The following PKP2 variants were observed in gnomAD, a reference collection of about 807,000 sequenced individuals.
PKP2 encodes the protein plakophilin-2.
Under a neutral mutation model 83.4 loss-of-function variants are expected in PKP2, and 73 were observed. The observed-to-expected ratio is 0.88, with a 90% CI of 0.72 to 1.06. PKP2 has a LOEUF of 1.06. PKP2 is among the 50% of genes least tolerant of loss of function. The pLI is 0.00. For missense variants in PKP2, 966 were observed against 1,065.4 expected (o/e 0.91, Z 1.30); for synonymous variants, 409 against 430.4 (o/e 0.95, Z 0.62).
intron 5 of PKP2, among the ~76,000 whole-genome samples, chr12:32,845,183 T>A (rs1956633719): frequency 6.6e-6 from 1 of 152,148 alleles, no homozygotes; most frequent in Non-Finnish European, 1.5e-5. Flanking sequence ...AGCCAGAAAT[T>A]TACTGCCAAC....
chr12:32,858,121 A>G (rs1337626266), intron 4 of PKP2, among the ~76,000 whole-genome samples: 13 of 101,694 alleles, frequency 1.3e-4, no homozygotes, highest in Non-Finnish European at 2.0e-4. Context: ...ATATATTTAT[A>G]TATATTTTAT....
chr12:32,843,305 C>T (rs775315970), intron 5 of PKP2: 3 of 1,364,732 alleles, frequency 2.2e-6, no homozygotes, highest in South Asian at 1.1e-5. Flanking sequence ...CTTAAATTGA[C>T]TGTATGGTCT....
chr12:32,861,858 AATGCAAGTG>A (rs1956800770), intron 4 of PKP2, among the ~76,000 whole-genome samples: 1 of 152,188 alleles, frequency 6.6e-6, no homozygotes, highest in Admixed American at 6.5e-5. Context: ...TATCTAAAAC[AATGCAAGTG>A]ATGCAAGTGA....
chr12:32,818,349 T>C (rs1956339462), intron 9 of PKP2, among the ~76,000 whole-genome samples: 1 of 152,044 alleles, frequency 6.6e-6, no homozygotes, highest in Non-Finnish European at 1.5e-5. Flanking sequence ...TAATCCCAAC[T>C]ACTCAAGAGG....
At chr12:32,836,956 GACA>G (rs1275832362) in intron 6 of PKP2, among the ~76,000 whole-genome samples, 3 of 152,062 alleles carry the variant, frequency 2.0e-5, no homozygotes, top group South Asian at 2.1e-4. Flanking sequence ...TATTCATTGT[GACA>G]ACATTTACCC....
intron 6 of PKP2, among the ~76,000 whole-genome samples, chr12:32,836,905 C>T (rs1257536045): frequency 6.6e-6 from 1 of 152,286 alleles, no homozygotes; most frequent in East Asian, 1.9e-4. Flanking sequence ...TCTTTTCTTA[C>T]ATTCTGACTC....
At chr12:32,870,021 T>A (rs768389862) in intron 3 of PKP2, among the ~76,000 whole-genome samples, 15 of 152,196 alleles carry the variant, frequency 9.9e-5, no homozygotes, top group Non-Finnish European at 1.6e-4. Flanking sequence ...AGAGTGAGAC[T>A]CTGTTTCAAA....
At chr12:32,799,927 T>G (rs567609243) in intron 10 of PKP2, among the ~76,000 whole-genome samples, 43 of 152,328 alleles carry the variant, frequency 2.8e-4, no homozygotes, top group African/African-American at 9.9e-4. Context: ...AAAAATCTAT[T>G]GAAAATTCTT....
rs376001513 is a variant in PKP2, at chr12:32,877,971, T to C, written c.909A>G (p.Glu303=). 3 of 1,614,106 alleles carry C rather than the reference T, an allele frequency of 1.9e-6. No homozygotes were observed. Among genetic ancestry groups the C allele is most frequent in the East Asian group, 2.2e-5 (1 of 44,882 alleles). ...SSFHSTRTLR[E]AGPSVAVDSS... The stretch of plus-strand genomic sequence containing the variant: ...AATCCACGGCGACACTGGGCCCAGC[T>C]TCCCTCAGCGTGCGGGTGCTGTGGA... Residue 303 remains glutamate, a synonymous_variant, in exon 3 of 13, where the codon GAA becomes GAG. Coordinates refer to ENST00000340811, the MANE Select transcript of PKP2 (RefSeq NM_001005242.3).
At chr12:32,847,677 C>G (rs1448805981) in intron 5 of PKP2, among the ~76,000 whole-genome samples, 1 of 152,220 alleles carries the variant, frequency 6.6e-6, no homozygotes, top group Non-Finnish European at 1.5e-5. Flanking sequence ...GCTAGTGATG[C>G]TCACTTTGCC....
chr12:32,819,544 A>T (rs1382144350), intron 9 of PKP2, among the ~76,000 whole-genome samples: 1 of 151,904 alleles, frequency 6.6e-6, no homozygotes, highest in Non-Finnish European at 1.5e-5. Context: ...TAGTACTTTA[A>T]ATTTCTGTTT....
At chr12:32,832,064 C>T (rs1799792687) in intron 6 of PKP2, among the ~76,000 whole-genome samples, 1 of 152,110 alleles carries the variant, frequency 6.6e-6, no homozygotes, top group South Asian at 2.1e-4. Context: ...CATTTAAATA[C>T]CACTTCCACC....
chr12:32,841,291 A>G lies in PKP2; in HGVS notation c.1379-86T>C. On this transcript the variant is annotated intron_variant, in intron 5 of 12. Transcript: ENST00000340811. ...AAGTTCAGTCAAGGCCATCAACTCC[A>G]GGGCTATGACTAGTCATAAAAAAAT... is the stretch of plus-strand genomic sequence containing the variant. 2.7e-6 allele frequency: 3 copies of G among 1,128,676 alleles called. No individual in the cohort carries two copies. The East Asian group carries it at 7.0e-5, about 26-fold the overall frequency. 69.9% of individuals were successfully genotyped at this position (1,128,676 alleles called of 1,614,324 possible).
At chr12:32,856,147 T>C (rs941272237) in intron 4 of PKP2, among the ~76,000 whole-genome samples, 3 of 152,200 alleles carry the variant, frequency 2.0e-5, no homozygotes, top group Non-Finnish European at 4.4e-5. Flanking sequence ...ATAGTAAGTT[T>C]TTGCAAGATA....
intron 10 of PKP2, 127 bp from the exon 11 acceptor site, chr12:32,796,425 C>T (rs1956125565): frequency 2.3e-6 from 2 of 859,984 alleles, no homozygotes; most frequent in Non-Finnish European, 3.7e-6. Context: ...CTCTGTTGCC[C>T]AGGCTGGAGT....
intron 6 of PKP2, among the ~76,000 whole-genome samples, chr12:32,827,123 T>C (rs142779932): frequency 5.8e-4 from 89 of 152,350 alleles, no homozygotes; most frequent in African/African-American, 2.0e-3. Context: ...ACCTTGCAGA[T>C]GGATGACTTA....
chr12:32,884,983 G>A (rs1168859055), intron 1 of PKP2, among the ~76,000 whole-genome samples: 1 of 152,018 alleles, frequency 6.6e-6, no homozygotes, highest in Non-Finnish European at 1.5e-5. Context: ...AATTAACATG[G>A]GCTCAGGCAA....
At chr12:32,839,200 C>G (rs1565586138) in intron 6 of PKP2, among the ~76,000 whole-genome samples, 1 of 151,890 alleles carries the variant, frequency 6.6e-6, no homozygotes, top group Non-Finnish European at 1.5e-5. Flanking sequence ...CTAAGTTCTT[C>G]CACCCCTTTT....
At chr12:32,796,680 T>C (rs1956129351) in intron 10 of PKP2, among the ~76,000 whole-genome samples, 3 of 152,128 alleles carry the variant, frequency 2.0e-5, no homozygotes, top group Non-Finnish European at 4.4e-5. Flanking sequence ...ATTACAGGCG[T>C]GAGACACTGC....
Sources: gnomAD v4.1 joint callset for allele counts (sites outside exome capture counted in the v4.1 genomes callset) on GRCh38, gnomAD v4.1.1 for gene constraint, MANE v1.5 for transcripts, NCBI Gene and HGNC (gene_info 2026-07-23, HGNC 2026-07-21) for gene names.